The following DGAT2L6 variants were observed in gnomAD, a reference collection of about 807,000 sequenced individuals.
DGAT2L6 encodes diacylglycerol O-acyltransferase 2-like protein 6.
DGAT2L6 carries 22 observed loss-of-function variants against 25.5 expected under a neutral mutation model. The ratio of observed to expected loss-of-function variants is 0.86; its 90% CI spans 0.62 to 1.23. The LOEUF (loss-of-function observed/expected upper bound fraction) is 1.23. DGAT2L6 is among the 50% of genes most tolerant of loss of function. The pLI is 0.00. For missense variants in DGAT2L6, 287 were observed against 253.2 expected, an observed-to-expected ratio of 1.13 and a Z score of -0.91; for synonymous variants, 100 against 94.7, an observed-to-expected ratio of 1.06 and a Z score of -0.32.
intron 1 of DGAT2L6, among the ~76,000 whole-genome samples, chrX:70,181,064 C>T: frequency 1.8e-5 from 2 of 111,696 alleles, no homozygotes; most frequent in Middle Eastern, 4.7e-3. Flanking sequence ...TGATATATAC[C>T]CAGAAATGGA....
chrX:70,180,670 A>ACT (rs1165991617), intron 1 of DGAT2L6, among the ~76,000 whole-genome samples: 1 of 110,103 alleles, frequency 9.1e-6, no homozygotes, highest in Non-Finnish European at 1.9e-5. Context: ...CCAAACTGAA[A>ACT]CTCTGTATCC....
chrX:70,184,775 A>G (rs932595499), intron 1 of DGAT2L6, among the ~76,000 whole-genome samples: 1 of 110,715 alleles, frequency 9.0e-6, no homozygotes, highest in African/African-American at 3.3e-5. Flanking sequence ...CTAGACTTTG[A>G]TGCATTCCCA....
intron 1 of DGAT2L6, among the ~76,000 whole-genome samples, chrX:70,197,274 G>T (rs991735691): frequency 1.3e-4 from 14 of 111,866 alleles, no homozygotes; most frequent in African/African-American, 4.6e-4. Context: ...TTCCACATTT[G>T]GCTTCTATTT....
intron 1 of DGAT2L6, among the ~76,000 whole-genome samples, chrX:70,191,740 G>A (rs1380450641): frequency 1.8e-5 from 2 of 111,889 alleles, no homozygotes; most frequent in Non-Finnish European, 3.8e-5. Context: ...TAATCAAATT[G>A]TCAAAAGTCA....
At chrX:70,199,715 C>A in intron 2 of DGAT2L6, 97 bp from the exon 3 acceptor site, 3 of 826,318 alleles carry the variant, frequency 3.6e-6, no homozygotes, top group Non-Finnish European at 5.3e-6. Flanking sequence ...AGGCCCCTCA[C>A]GTGACCTGAG....
chrX:70,182,802 C>T (rs1425515715), intron 1 of DGAT2L6, among the ~76,000 whole-genome samples: 1 of 111,575 alleles, frequency 9.0e-6, no homozygotes, highest in Non-Finnish European at 1.9e-5. Context: ...TACAGGTGCC[C>T]GCCACGATGC....
At chrX:70,179,949 T>C (rs983093208) in intron 1 of DGAT2L6, among the ~76,000 whole-genome samples, 3 of 111,248 alleles carry the variant, frequency 2.7e-5, no homozygotes, top group Non-Finnish European at 5.7e-5. Context: ...TTTCTCTATT[T>C]CATTTCCCCT....
intron 1 of DGAT2L6, among the ~76,000 whole-genome samples, chrX:70,188,535 T>C (rs2147604596): frequency 9.0e-6 from 1 of 110,952 alleles, no homozygotes; most frequent in South Asian, 3.8e-4. Context: ...AACAGCAAAT[T>C]CTACAAACAT....
At chrX:70,189,126 T>C (rs1003433755) in intron 1 of DGAT2L6, among the ~76,000 whole-genome samples, 3 of 110,637 alleles carry the variant, frequency 2.7e-5, no homozygotes, top group Non-Finnish European at 5.7e-5. Context: ...AAATGCAATA[T>C]GGCAAAAAGA....
At chrX:70,203,120 C>T (rs1006134018) in intron 5 of DGAT2L6, among the ~76,000 whole-genome samples, 6 of 112,358 alleles carry the variant, frequency 5.3e-5, no homozygotes, top group Non-Finnish European at 7.5e-5. Context: ...CTTCTCAATA[C>T]AGTTATCTGA....
chrX:70,177,715 G>C lies in DGAT2L6; in HGVS notation c.85+48G>C, dbSNP rs768429649. The C allele has an allele frequency of 5.6e-6, 6 of 1,072,039 alleles. No individual in the cohort carries two copies. The Admixed American group carries it at 1.3e-4, about 24-fold the overall frequency. 88.3% of individuals were successfully genotyped at this position (1,072,039 alleles called of 1,213,427 possible). Reference sequence around the variant, plus strand: ...AGAGCACATGGGGAACAAACCAAAAGAGTGGCCAATCTCCAGATGAGGAGG... The same window carrying C: ...AGAGCACATGGGGAACAAACCAAAACAGTGGCCAATCTCCAGATGAGGAGG... On this transcript the variant is annotated intron_variant, in intron 1 of 6. Transcript: ENST00000333026.
chrX:70,177,771 C>G, intron 1 of DGAT2L6, 104 bp downstream of exon 1: 2 of 708,383 alleles, frequency 2.8e-6, no homozygotes, highest in Admixed American at 5.2e-5. Flanking sequence ...GTGATCTCCA[C>G]CCTCTGGGAA....
intron 1 of DGAT2L6, among the ~76,000 whole-genome samples, chrX:70,193,641 T>G (rs1456610168): frequency 8.9e-6 from 1 of 111,894 alleles, no homozygotes; most frequent in South Asian, 3.7e-4. Context: ...AGAAGAAGAA[T>G]AAAAATCATA....
chrX:70,183,489 A>G (rs976727014), intron 1 of DGAT2L6, among the ~76,000 whole-genome samples: 1 of 112,181 alleles, frequency 8.9e-6, no homozygotes, highest in Admixed American at 9.4e-5. Context: ...AGCATTTTGT[A>G]AGAATGGCTG....
At chrX:70,191,230 A>C (rs1011840545) in intron 1 of DGAT2L6, among the ~76,000 whole-genome samples, 1 of 112,357 alleles carries the variant, frequency 8.9e-6, no homozygotes, top group African/African-American at 3.2e-5. Flanking sequence ...CCTGAAGTGC[A>C]GTGAGTTGTA....
chrX:70,192,242 A>G (rs1260266604), intron 1 of DGAT2L6, among the ~76,000 whole-genome samples: 1 of 111,660 alleles, frequency 9.0e-6, no homozygotes, highest in East Asian at 2.8e-4. Flanking sequence ...ACAAAATGAG[A>G]CCCCATCTCT....
chrX:70,194,731 C>T (rs1393489180), intron 1 of DGAT2L6, among the ~76,000 whole-genome samples: 3 of 111,908 alleles, frequency 2.7e-5, no homozygotes, highest in Non-Finnish European at 5.6e-5. Context: ...CATACACAAA[C>T]ATTAACTCAA....
At chrX:70,200,561 A>G (rs2085406722) in intron 4 of DGAT2L6, 102 bp downstream of exon 4, 4 of 794,403 alleles carry the variant, frequency 5.0e-6, no homozygotes, top group Non-Finnish European at 5.4e-6. Flanking sequence ...ACATGATAGA[A>G]AATAAGTCCA....
Position 70,205,004 on chromosome X carries a change from A to T in DGAT2L6, c.912A>T (p.Val304=). The T allele has an allele frequency of 1.7e-6, 2 of 1,205,738 alleles. No individual in the cohort carries two copies. The highest frequency in any genetic ancestry group is 2.2e-6 in the Non-Finnish European group (2 of 893,549). ...PRIKRPNQKT[V]DKYHALYISA... Reference sequence around the variant, plus strand: ...TTAAGAGGCCAAACCAGAAGACAGTAGACAAGTATCACGCACTCTACATCA... The same window carrying T: ...TTAAGAGGCCAAACCAGAAGACAGTTGACAAGTATCACGCACTCTACATCA... The change falls in exon 7 of 7, where the codon GTA becomes GTT. Residue 304 remains valine, a synonymous_variant. Coordinates refer to ENST00000333026, the MANE Select transcript of DGAT2L6 (RefSeq NM_198512.3).
Sources: allele counts gnomAD v4.1 joint callset (sites outside exome capture counted in the v4.1 genomes callset), GRCh38; gene constraint gnomAD v4.1.1; transcripts MANE v1.5; gene names NCBI Gene and HGNC (gene_info 2026-07-23, HGNC 2026-07-21).